The following ESRRG variants were observed in gnomAD, a reference collection of about 807,000 sequenced individuals.
The protein encoded by ESRRG is estrogen related receptor gamma.
A neutral mutation model predicts 44.0 loss-of-function variants in ESRRG; 13 were observed. That is an observed-to-expected ratio of 0.30 (90% CI 0.19 to 0.47). The LOEUF (loss-of-function observed/expected upper bound fraction) is 0.47. Ranked by LOEUF, ESRRG falls within the 20% of genes least tolerant of loss-of-function variation. ESRRG has a pLI of 1.00. For synonymous variants in ESRRG, 215 were observed against 214.6 expected, an observed-to-expected ratio of 1.00 and a Z score of -0.02; for missense variants, 395 against 580.6, an observed-to-expected ratio of 0.68 and a Z score of 3.29.
chr1:217,020,232 A>G (rs1435777983), intron 1 of ESRRG, among the ~76,000 whole-genome samples: 1 of 152,236 alleles, frequency 6.6e-6, no homozygotes, highest in African/African-American at 2.4e-5. Flanking sequence ...CCGATATCAC[A>G]GTACCATATT....
At chr1:216,601,272 T>G (rs2059207398) in intron 3 of ESRRG, among the ~76,000 whole-genome samples, 1 of 151,832 alleles carries the variant, frequency 6.6e-6, no homozygotes, top group Non-Finnish European at 1.5e-5. Context: ...CCCCTGGGCC[T>G]CCCAGGGGCT....
rs1216691261 is a variant in ESRRG at position 217,059,354 on chromosome 1, C to G, written c.-106+30153G>C. ...TTTTATAAGTCTCCCCAATTCTACC[C>G]TTTACAAATGTTAAGAAACAATGAC... On this transcript the variant is annotated intron_variant, in intron 1 of 7. Coordinates refer to the ESRRG transcript ENST00000359162. 3.3e-5 allele frequency among the ~76,000 whole-genome samples: 5 copies of G among 151,998 alleles called. No homozygotes were observed. In the East Asian group the frequency reaches 9.6e-4, roughly 29 times the overall value.
intron 1 of ESRRG, among the ~76,000 whole-genome samples, chr1:216,705,697 G>A (rs981734621): frequency 6.6e-6 from 1 of 152,172 alleles, no homozygotes; most frequent in African/African-American, 2.4e-5. Context: ...GGGAGCAGCA[G>A]GTTCTTTCAG....
chr1:216,973,586 G>A (rs947030138), intron 1 of ESRRG, among the ~76,000 whole-genome samples: 1 of 152,134 alleles, frequency 6.6e-6, no homozygotes, highest in Non-Finnish European at 1.5e-5. Context: ...CAGCACTTTG[G>A]GAGGCCGAGG....
At chr1:216,641,609 A>T (rs1177200076) in intron 3 of ESRRG, among the ~76,000 whole-genome samples, 1 of 152,264 alleles carries the variant, frequency 6.6e-6, no homozygotes, top group Non-Finnish European at 1.5e-5. Context: ...ACTCAGCCAG[A>T]GACTAAAGCT....
intron 1 of ESRRG, among the ~76,000 whole-genome samples, chr1:216,990,687 T>C (rs1242098900): frequency 6.6e-6 from 1 of 152,184 alleles, no homozygotes; most frequent in African/African-American, 2.4e-5. Flanking sequence ...TTCTCTTCCT[T>C]ATGGTTTTCT....
At chr1:216,581,846 C>T (rs2062834086) in intron 3 of ESRRG, among the ~76,000 whole-genome samples, 1 of 152,328 alleles carries the variant, frequency 6.6e-6, no homozygotes, top group South Asian at 2.1e-4. Flanking sequence ...TCTATAAAAT[C>T]ATCCGATGTT....
chr1:216,510,428 T>C (rs1320664868), intron 6 of ESRRG, among the ~76,000 whole-genome samples: 1 of 152,136 alleles, frequency 6.6e-6, no homozygotes, highest in Non-Finnish European at 1.5e-5. Flanking sequence ...GTGAAAGAGA[T>C]CCTAAAAAAA....
intron 1 of ESRRG, among the ~76,000 whole-genome samples, chr1:216,704,268 C>T (rs1185078027): frequency 6.6e-6 from 1 of 152,190 alleles, no homozygotes; most frequent in African/African-American, 2.4e-5. Context: ...AATCCCAACA[C>T]TTTGGAAGGC....
intron 1 of ESRRG, among the ~76,000 whole-genome samples, chr1:216,986,130 A>G (rs1250305441): frequency 6.6e-6 from 1 of 152,008 alleles, no homozygotes; most frequent in East Asian, 1.9e-4. Context: ...TTCCCTCCAC[A>G]TGTCTCTTGG....
intron 2 of ESRRG, among the ~76,000 whole-genome samples, chr1:216,759,917 A>T (rs1409716869): frequency 1.3e-5 from 2 of 152,208 alleles, no homozygotes; most frequent in African/African-American, 2.4e-5. Context: ...GTACATTATC[A>T]TCCCTCTCCT....
chr1:216,748,817 C>A (rs1280012966), intron 2 of ESRRG, among the ~76,000 whole-genome samples: 1 of 152,106 alleles, frequency 6.6e-6, no homozygotes, highest in Non-Finnish European at 1.5e-5. Flanking sequence ...CAGTGGTTGT[C>A]TCCATCTAGA....
At chr1:216,737,604 T>C (rs2090118028) in intron 2 of ESRRG, among the ~76,000 whole-genome samples, 1 of 152,124 alleles carries the variant, frequency 6.6e-6, no homozygotes, top group African/African-American at 2.4e-5. Flanking sequence ...CTGGAATCAT[T>C]ATTTTACCAT....
chr1:216,839,187 C>T (rs1299473235), intron 2 of ESRRG, among the ~76,000 whole-genome samples: 3 of 152,266 alleles, frequency 2.0e-5, no homozygotes, highest in African/African-American at 7.2e-5. Flanking sequence ...CTTCACAGCA[C>T]CTTCGCTAGG....
chr1:216,575,927 T>C (rs542065385), intron 3 of ESRRG, among the ~76,000 whole-genome samples: 1 of 152,178 alleles, frequency 6.6e-6, no homozygotes, highest in East Asian at 1.9e-4. Context: ...TTTGCCTCTA[T>C]CACTTTATAA....
intron 3 of ESRRG, among the ~76,000 whole-genome samples, chr1:216,597,247 A>C (rs2150088902): frequency 6.6e-6 from 1 of 152,298 alleles, no homozygotes; most frequent in African/African-American, 2.4e-5. Context: ...TCCAGGGCTC[A>C]CTGTCACAGT....
At chr1:216,857,377 GA>G (rs1393986008) in intron 2 of ESRRG, among the ~76,000 whole-genome samples, 2 of 145,830 alleles carry the variant, frequency 1.4e-5, no homozygotes, top group East Asian at 2.0e-4. Context: ...AAAAAAAAAA[GA>G]AAAAAACTTT....
At chr1:216,802,071 T>C (rs1252058198) in intron 2 of ESRRG, among the ~76,000 whole-genome samples, 3 of 152,122 alleles carry the variant, frequency 2.0e-5, no homozygotes, top group African/African-American at 7.2e-5. Context: ...TGTGTCAGAA[T>C]AATGGTTAAA....
At chr1:216,921,978 G>T (rs948336345) in intron 2 of ESRRG, among the ~76,000 whole-genome samples, 2 of 152,184 alleles carry the variant, frequency 1.3e-5, no homozygotes, top group African/African-American at 4.8e-5. Flanking sequence ...GGTGAAGGTT[G>T]TAATCTTTGA....
Sources: allele counts gnomAD v4.1 joint callset (sites outside exome capture counted in the v4.1 genomes callset), GRCh38; gene constraint gnomAD v4.1.1; transcripts MANE v1.5; gene names NCBI Gene and HGNC (gene_info 2026-07-23, HGNC 2026-07-21).